GRIA1: variants seen among roughly 807,000 people sequenced by gnomAD.
The protein encoded by GRIA1 is glutamate receptor 1.
GRIA1 carries 31 observed loss-of-function variants against 99.2 expected under a neutral mutation model. The ratio of observed to expected loss-of-function variants is 0.31; its 90% CI spans 0.23 to 0.42. The LOEUF is 0.42. GRIA1 is among the 10% of genes least tolerant of loss of function. The probability of loss-of-function intolerance (pLI) is 1.00; values close to 1 mark genes in which losing one functional copy is unlikely to be tolerated. For synonymous variants in GRIA1, 438 were observed against 432.4 expected, an observed-to-expected ratio of 1.01 and a Z score of -0.16; for missense variants, 782 against 1,157.5, an observed-to-expected ratio of 0.68 and a Z score of 4.71.
At chr5:153,507,438 A>T (rs1457336594) in intron 2 of GRIA1, among the ~76,000 whole-genome samples, 3 of 152,128 alleles carry the variant, frequency 2.0e-5, no homozygotes, top group Admixed American at 6.5e-5. Context: ...ATTCCAGCCT[A>T]TACATTCTGA....
At chr5:153,683,871 G>T (rs1369688675) in intron 7 of GRIA1, among the ~76,000 whole-genome samples, 1 of 152,200 alleles carries the variant, frequency 6.6e-6, no homozygotes, top group African/African-American at 2.4e-5. Context: ...CAGATAGTTT[G>T]AGCAAGGAAC....
chr5:153,497,388 A>G (rs1223002478), intron 2 of GRIA1, among the ~76,000 whole-genome samples: 1 of 152,230 alleles, frequency 6.6e-6, no homozygotes, highest in Non-Finnish European at 1.5e-5. Flanking sequence ...GCATAGTTGC[A>G]GCTTAATTCT....
At chr5:153,520,944 G>A (rs550273866) in intron 2 of GRIA1, among the ~76,000 whole-genome samples, 7 of 152,246 alleles carry the variant, frequency 4.6e-5, no homozygotes, top group Non-Finnish European at 7.3e-5. Flanking sequence ...TAAAAACAGA[G>A]GTTTAGTAAA....
chr5:153,739,802 T>A (rs1761651409), intron 11 of GRIA1, among the ~76,000 whole-genome samples: 1 of 152,222 alleles, frequency 6.6e-6, no homozygotes. Context: ...ATTTATGATA[T>A]CTCTGGAAAA....
At chr5:153,770,498 T>C in intron 13 of GRIA1, 83 bp downstream of exon 13, 1 of 1,323,782 alleles carries the variant, frequency 7.6e-7, no homozygotes, top group Non-Finnish European at 1.1e-6. Flanking sequence ...GCTACAAGCC[T>C]CCAATGCCAC....
chr5:153,740,181 G>A (rs1276027129), intron 11 of GRIA1, among the ~76,000 whole-genome samples: 1 of 152,216 alleles, frequency 6.6e-6, no homozygotes, highest in African/African-American at 2.4e-5. Context: ...ACTGACTAAT[G>A]TATTAGGGAT....
chr5:153,615,213 C>A (rs1187874447), intron 2 of GRIA1, among the ~76,000 whole-genome samples: 1 of 152,166 alleles, frequency 6.6e-6, no homozygotes, highest in Non-Finnish European at 1.5e-5. Context: ...ACAAATCCAT[C>A]AGCAAATACT....
chr5:153,660,551 G>C (rs1363667556), intron 5 of GRIA1, among the ~76,000 whole-genome samples: 3 of 152,086 alleles, frequency 2.0e-5, no homozygotes, highest in African/African-American at 7.2e-5. Flanking sequence ...GAAAGAGAGG[G>C]GGTTGTCCTG....
intron 14 of GRIA1, among the ~76,000 whole-genome samples, chr5:153,797,381 A>C (rs958340273): frequency 5.3e-5 from 8 of 152,194 alleles, no homozygotes; most frequent in African/African-American, 1.9e-4. Flanking sequence ...CACATCCTTA[A>C]ATTTTCTAAC....
intron 7 of GRIA1, among the ~76,000 whole-genome samples, chr5:153,679,297 C>T (rs1458611801): frequency 6.6e-6 from 1 of 152,148 alleles, no homozygotes; most frequent in Non-Finnish European, 1.5e-5. Flanking sequence ...AATAAACAAA[C>T]AAACAAATAA....
chr5:153,754,903 A>C (rs1762728541), intron 11 of GRIA1, among the ~76,000 whole-genome samples: 1 of 152,212 alleles, frequency 6.6e-6, no homozygotes, highest in South Asian at 2.1e-4. Flanking sequence ...AGAAGAGGCA[A>C]ACAGATGCCA....
chr5:153,782,446 A>G (rs1307700981), intron 13 of GRIA1, among the ~76,000 whole-genome samples: 1 of 152,220 alleles, frequency 6.6e-6, no homozygotes, highest in Non-Finnish European at 1.5e-5. Context: ...TAATGTTGAC[A>G]TGTAGGAATG....
intron 11 of GRIA1, among the ~76,000 whole-genome samples, chr5:153,752,360 A>G (rs1762559848): frequency 1.3e-5 from 2 of 152,178 alleles, no homozygotes; most frequent in African/African-American, 4.8e-5. Flanking sequence ...GACCTCTGCT[A>G]GCAGAGTAAT....
At chr5:153,806,184 G>T (rs914493449) in intron 15 of GRIA1, among the ~76,000 whole-genome samples, 1 of 152,082 alleles carries the variant, frequency 6.6e-6, no homozygotes, top group African/African-American at 2.4e-5. Flanking sequence ...TGATGACATG[G>T]GCATTTGATG....
rs1011104822 is a variant in GRIA1, at chr5:153,635,736, G to A, written c.221-11192G>A. Among the ~76,000 whole-genome samples the A allele has an allele frequency of 9.2e-5, 14 of 152,318 alleles. 1 individual carries two copies. The highest frequency in any genetic ancestry group is 7.8e-4 in the Admixed American group (12 of 15,306). ...CCTGGCTGAGTCCCCACACGTGGTA[G>A]AGCCTTGGCCTCAAAGGGTCCATCC... On this transcript the variant is annotated intron_variant, in intron 2 of 15. Coordinates refer to ENST00000285900, the MANE Select transcript of GRIA1 (RefSeq NM_000827.4).
At chr5:153,606,566 T>C (rs1166949575) in intron 2 of GRIA1, among the ~76,000 whole-genome samples, 1 of 146,242 alleles carries the variant, frequency 6.8e-6, no homozygotes, top group East Asian at 1.9e-4. Context: ...TCTTCTTTTA[T>C]TTTTTTCAGT....
intron 6 of GRIA1, among the ~76,000 whole-genome samples, chr5:153,676,153 G>A (rs558116882): frequency 1.2e-4 from 18 of 152,112 alleles, no homozygotes; most frequent in Admixed American, 6.5e-5. Context: ...CACTGCGCCC[G>A]GCATGTAATT....
intron 2 of GRIA1, among the ~76,000 whole-genome samples, chr5:153,639,665 ATC>A (rs137925155): frequency 0.05 from 7,622 of 152,206 alleles, 200 homozygotes; most frequent in Middle Eastern, 0.085. Flanking sequence ...TTCACATGTC[ATC>A]TCTCTCCCTC....
rs115438251 is a variant in GRIA1, at chr5:153,653,844, A to T, written c.646-1975A>T. On this transcript the variant is annotated intron_variant, in intron 4 of 15. Transcript: ENST00000285900. The stretch of plus-strand genomic sequence containing the variant: ...TTGAATGGATTAATTAGTTAATCAT[A>T]GAGGGTTTTACAGAGGAGTTGAGAT... Among the ~76,000 whole-genome samples the T allele has an allele frequency of 1.7e-3, 265 of 152,350 alleles. 1 individual carries two copies. The highest frequency in any genetic ancestry group is 5.9e-3 in the African/African-American group (247 of 41,594).
Sources: allele counts gnomAD v4.1 joint callset (sites outside exome capture counted in the v4.1 genomes callset), GRCh38; gene constraint gnomAD v4.1.1; transcripts MANE v1.5; gene names NCBI Gene and HGNC (gene_info 2026-07-23, HGNC 2026-07-21).